Variants in SFXN4 observed in about 807,000 individuals in gnomAD.
SFXN4 encodes sideroflexin-4.
In SFXN4, 48 loss-of-function variants were observed where a neutral mutation model predicts 54.6. That is an observed-to-expected ratio of 0.88 (90% CI 0.70 to 1.12). The LOEUF is 1.12. Among genes scored for constraint, SFXN4 ranks in the 50% most tolerant of loss-of-function variants. The probability of loss-of-function intolerance (pLI) is 0.00; values close to 1 mark genes in which losing one functional copy is unlikely to be tolerated. For synonymous variants in SFXN4, 130 were observed against 145.5 expected (o/e 0.89, Z 0.77); for missense variants, 383 against 409.2 (o/e 0.94, Z 0.55).
intron 1 of SFXN4, among the ~76,000 whole-genome samples, chr10:119,164,723 G>A (rs1044852360): frequency 2.6e-5 from 4 of 152,038 alleles, no homozygotes; most frequent in African/African-American, 9.7e-5. Context: ...TTTAAGCCTT[G>A]GCTCTGCTGG....
intron 11 of SFXN4, 78 bp downstream of exon 11, chr10:119,154,984 T>C: frequency 1.0e-6 from 1 of 960,116 alleles, no homozygotes; most frequent in Non-Finnish European, 1.7e-6. Flanking sequence ...CAGACATGAA[T>C]TTGTCACCGG....
chr10:119,165,476 G>A, intron 1 of SFXN4, 61 bp downstream of exon 1: 3 of 1,481,280 alleles, frequency 2.0e-6, no homozygotes, highest in Non-Finnish European at 2.7e-6. Flanking sequence ...GGGTCAGCCC[G>A]ACTCCACGCG....
intron 11 of SFXN4, 91 bp from the exon 12 acceptor site, chr10:119,147,951 G>T (rs898723086): frequency 6.3e-5 from 60 of 948,518 alleles, no homozygotes; most frequent in Non-Finnish European, 9.2e-5. Context: ...CGGGTAGATC[G>T]CTTGAGGTCA....
Position 119,154,107 on chromosome 10 carries a change from A to ATCC in SFXN4, c.732+954_732+955insGGA, listed in dbSNP as rs1589636838. Among the ~76,000 whole-genome samples, 7 of 151,030 alleles carry ATCC rather than the reference A, an allele frequency of 4.6e-5. No individual in the cohort carries two copies. The East Asian group carries it at 1.4e-3, about 29-fold the overall frequency. Reference sequence around the variant, plus strand: ...GGAGGAGAATCGCTTGAACCCAGGAAGCGGAGGTTGCAGTGAGCTGAGATC... The same window carrying ATCC: ...GGAGGAGAATCGCTTGAACCCAGGAATCCGCGGAGGTTGCAGTGAGCTGAGATC... On this transcript the variant is annotated intron_variant, in intron 11 of 13. Transcript: ENST00000355697.
chr10:119,149,886 T>C (rs1309554715), intron 11 of SFXN4, among the ~76,000 whole-genome samples: 1 of 152,236 alleles, frequency 6.6e-6, no homozygotes, highest in Non-Finnish European at 1.5e-5. Flanking sequence ...CTTAGTCCCA[T>C]GTGTGGGGAG....
intron 6 of SFXN4, among the ~76,000 whole-genome samples, chr10:119,159,171 T>G (rs1176592702): frequency 6.6e-6 from 1 of 151,668 alleles, no homozygotes; most frequent in African/African-American, 2.4e-5. Flanking sequence ...TCCCAGCTAC[T>G]CAGGAGGCTG....
In SFXN4 at chr10:119,140,867, G is replaced by C; in HGVS notation, c.*375C>G. On this transcript the variant is annotated 3_prime_UTR_variant, in exon 14 of 14. Transcript: ENST00000355697. ...CAGGGGTACGTGTTCCGCTTGAGAC[G>C]GCCTATCCATTTAACACCTGTGTCC... 5.8e-6 allele frequency: 1 copy of C among 173,610 alleles called. No individual in the cohort carries two copies. The highest frequency in any genetic ancestry group is 1.6e-4 in the South Asian group (1 of 6,238). The allele number at this position is 173,610 out of a possible 1,614,324, so 10.8% of individuals were successfully genotyped here.
At chr10:119,141,417 G>A in intron 13 of SFXN4, 98 bp from the exon 14 acceptor site, 2 of 627,924 alleles carry the variant, frequency 3.2e-6, no homozygotes, top group Non-Finnish European at 2.7e-6. Flanking sequence ...CCATTTCACA[G>A]TCCATCTTTT....
At chr10:119,164,334 G>A (rs1847679664) in intron 1 of SFXN4, 138 bp from the exon 2 acceptor site, 1 of 571,322 alleles carries the variant, frequency 1.8e-6, no homozygotes, top group Non-Finnish European at 3.1e-6. Context: ...ATCATCTCCT[G>A]GGATCCTCCC....
At chr10:119,155,772 T>C (rs1847257577) in intron 10 of SFXN4, among the ~76,000 whole-genome samples, 1 of 152,134 alleles carries the variant, frequency 6.6e-6, no homozygotes, top group East Asian at 1.9e-4. Context: ...GGATTCCAGG[T>C]GTGAGCCGCC....
intron 3 of SFXN4, among the ~76,000 whole-genome samples, chr10:119,161,310 G>A (rs1319753201): frequency 6.6e-6 from 1 of 151,730 alleles, no homozygotes; most frequent in African/African-American, 2.4e-5. Context: ...GTAGAGATGG[G>A]GTCTTGCTAT....
At chr10:119,157,790 T>C in intron 8 of SFXN4, 57 bp from the exon 9 acceptor site, 1 of 1,605,030 alleles carries the variant, frequency 6.2e-7, no homozygotes, top group Non-Finnish European at 8.5e-7. Flanking sequence ...CCAGCAAAGA[T>C]AATTTAAAAA....
chr10:119,161,091 G>T lies in SFXN4; in HGVS notation c.253-10C>A, dbSNP rs1350498481. The T allele has an allele frequency of 6.2e-7, 1 of 1,612,900 alleles. No homozygotes were observed. The highest frequency in any genetic ancestry group is 1.3e-5 in the African/African-American group (1 of 74,814). On this transcript the variant is annotated splice_polypyrimidine_tract_variant and intron_variant, in intron 3 of 13. Coordinates refer to ENST00000355697, the MANE Select transcript of SFXN4 (RefSeq NM_213649.2). ...TCCAAGCTTCTTGTATCTTAAAGGA[G>T]AAAAAAGAATAGCTTTGTTTCATTT...
At chr10:119,152,319 G>A (rs1253296016) in intron 11 of SFXN4, among the ~76,000 whole-genome samples, 3 of 150,888 alleles carry the variant, frequency 2.0e-5, no homozygotes, top group East Asian at 2.0e-4. Context: ...TTGTTCTGTC[G>A]CCCAGGCTGG....
At chr10:119,160,849 C>A in intron 5 of SFXN4, 66 bp downstream of exon 5, 1 of 1,526,348 alleles carries the variant, frequency 6.6e-7, no homozygotes, top group Non-Finnish European at 9.1e-7. Context: ...ATCCGGCAGG[C>A]AGAGTTTTCT....
In SFXN4 at chr10:119,159,606, A is replaced by G; in HGVS notation, c.360+122T>C. The G allele has an allele frequency of 2.9e-6, 3 of 1,036,350 alleles. No individual in the cohort carries two copies. The South Asian group carries it at 3.9e-5, about 13-fold the overall frequency. The allele number at this position is 1,036,350 out of a possible 1,614,324, so 64.2% of individuals were successfully genotyped here. ...CATGGGTTATCAGTGGGGATCCACA[A>G]CCATCTATCAGGCAGTCATGTGACA... is the stretch of plus-strand genomic sequence containing the variant. On this transcript the variant is annotated intron_variant, in intron 6 of 13. Coordinates refer to ENST00000355697, the MANE Select transcript of SFXN4 (RefSeq NM_213649.2).
chr10:119,154,801 C>T lies in SFXN4; in HGVS notation c.732+261G>A, dbSNP rs117625936. On this transcript the variant is annotated intron_variant, in intron 11 of 13. Coordinates refer to ENST00000355697, the MANE Select transcript of SFXN4 (RefSeq NM_213649.2). ...GAGCCAAGACTGCACCATTGCACTCCAGGCCAGTGCGACAGAGCAAGACCC... is the reference window on the plus strand; with the variant it reads ...GAGCCAAGACTGCACCATTGCACTCTAGGCCAGTGCGACAGAGCAAGACCC... Among the ~76,000 whole-genome samples, 801 of 152,280 alleles carry T rather than the reference C, an allele frequency of 5.3e-3. 16 individuals carry two copies. Among genetic ancestry groups the T allele is most frequent in the East Asian group, 0.047 (242 of 5,178 alleles).
At chr10:119,149,929 C>T (rs12411520) in intron 11 of SFXN4, among the ~76,000 whole-genome samples, 46,847 of 151,996 alleles carry the variant, frequency 0.31, 7,821 homozygotes, top group South Asian at 0.41. Context: ...CATTAGGAGG[C>T]GCTGTGTGCA....
At chr10:119,147,988 T>G (rs1192478554) in intron 11 of SFXN4, 128 bp from the exon 12 acceptor site, 14 of 654,390 alleles carry the variant, frequency 2.1e-5, no homozygotes, top group Non-Finnish European at 2.2e-5. Context: ...CTGGCCAACA[T>G]GGTGAAACCC....
Sources: gnomAD v4.1 joint callset for allele counts (sites outside exome capture counted in the v4.1 genomes callset) on GRCh38, gnomAD v4.1.1 for gene constraint, MANE v1.5 for transcripts, NCBI Gene and HGNC (gene_info 2026-07-23, HGNC 2026-07-21) for gene names.